SGCD: variants seen among roughly 807,000 people sequenced by gnomAD.
SGCD encodes the protein sarcoglycan delta, also known as delta-sarcoglycan.
SGCD carries 18 observed loss-of-function variants against 36.6 expected under a neutral mutation model. The ratio of observed to expected loss-of-function variants is 0.49; its 90% confidence interval spans 0.34 to 0.73. SGCD has a LOEUF of 0.73. Ranked by LOEUF, SGCD falls within the 30% of genes least tolerant of loss-of-function variation. SGCD has a pLI of 0.01. For missense variants in SGCD, 387 were observed against 346.7 expected (o/e 1.12, Z -0.92); for synonymous variants, 133 against 130.6 (o/e 1.02, Z -0.12).
At chr5:156,616,123 A>G (rs1413356645) in intron 6 of SGCD, among the ~76,000 whole-genome samples, 2 of 152,036 alleles carry the variant, frequency 1.3e-5, no homozygotes, top group Non-Finnish European at 2.9e-5. Context: ...CTTTCTTTTA[A>G]TCATGTCTCA....
chr5:156,649,617 A>C (rs1427491778), intron 7 of SGCD, among the ~76,000 whole-genome samples: 1 of 151,878 alleles, frequency 6.6e-6, no homozygotes, highest in East Asian at 1.9e-4. Flanking sequence ...AAGGTCAAAA[A>C]ACCAAACACC....
At chr5:156,025,166 C>G (rs936359909) in intron 1 of SGCD, among the ~76,000 whole-genome samples, 25 of 152,106 alleles carry the variant, frequency 1.6e-4, no homozygotes, top group African/African-American at 5.3e-4. Flanking sequence ...ATTTAGTGAT[C>G]CTCATCACTT....
At chr5:156,079,040 A>G (rs59761389) in intron 1 of SGCD, among the ~76,000 whole-genome samples, 184 of 151,830 alleles carry the variant, frequency 1.2e-3, no homozygotes, top group African/African-American at 4.2e-3. Context: ...AAAAAAAAGA[A>G]AAGTTTAATT....
intron 1 of SGCD, among the ~76,000 whole-genome samples, chr5:156,079,071 AT>A (rs773905532): frequency 3.7e-4 from 56 of 151,842 alleles, no homozygotes; most frequent in Admixed American, 5.9e-4. Context: ...TCTGCAGGCT[AT>A]ATAGGTAGCA....
the SGCD span, among the ~76,000 whole-genome samples, chr5:155,731,124 G>A: frequency 3.3e-5 from 5 of 152,094 alleles, no homozygotes; most frequent in Admixed American, 6.5e-5. Flanking sequence ...AGAGGGGCAC[G>A]AGAGGGAGGG....
intron 1 of SGCD, among the ~76,000 whole-genome samples, chr5:156,328,346 G>A (rs966202222): frequency 6.6e-6 from 1 of 152,180 alleles, no homozygotes. Flanking sequence ...GGTTTTTTCC[G>A]AACGGGGCTT....
intron 7 of SGCD, among the ~76,000 whole-genome samples, chr5:156,699,810 A>C (rs1754460541): frequency 2.0e-5 from 3 of 152,168 alleles, no homozygotes; most frequent in African/African-American, 7.2e-5. Flanking sequence ...TATAGAGGAG[A>C]GAGCTCTTGA....
intron 3 of SGCD, among the ~76,000 whole-genome samples, chr5:156,191,008 G>A (rs963400410): frequency 1.5e-4 from 23 of 152,008 alleles, no homozygotes; most frequent in African/African-American, 5.3e-4. Context: ...CTATGAATTA[G>A]GCAAACATGT....
chr5:156,060,051 C>G (rs1253897525), intron 1 of SGCD, among the ~76,000 whole-genome samples: 2 of 146,544 alleles, frequency 1.4e-5, no homozygotes, highest in African/African-American at 4.9e-5. Context: ...GGAAAAAATC[C>G]TGTATAAATT....
intron 6 of SGCD, among the ~76,000 whole-genome samples, chr5:156,605,282 T>C (rs1020493520): frequency 6.6e-6 from 1 of 152,098 alleles, no homozygotes; most frequent in Non-Finnish European, 1.5e-5. Context: ...TTCCCACCTA[T>C]GAGTGAGAAC....
chr5:156,622,830 G>A (rs1412452569), intron 6 of SGCD, among the ~76,000 whole-genome samples: 1 of 152,050 alleles, frequency 6.6e-6, no homozygotes, highest in African/African-American at 2.4e-5. Flanking sequence ...CCTATTACGT[G>A]AGTGTCTCTG....
chr5:156,360,966 A>G (rs1039270437), intron 3 of SGCD, among the ~76,000 whole-genome samples: 1 of 152,118 alleles, frequency 6.6e-6, no homozygotes, highest in African/African-American at 2.4e-5. Flanking sequence ...CAACTGCCCC[A>G]CATGATTGAG....
intron 1 of SGCD, among the ~76,000 whole-genome samples, chr5:156,083,302 T>G (rs1394854121): frequency 2.6e-5 from 4 of 151,956 alleles, no homozygotes; most frequent in Non-Finnish European, 4.4e-5. Flanking sequence ...TTTCCTTTTT[T>G]TTTTTCTTTT....
chr5:155,995,593 G>A (rs778021664), intron 1 of SGCD, among the ~76,000 whole-genome samples: 1 of 152,096 alleles, frequency 6.6e-6, no homozygotes, highest in Non-Finnish European at 1.5e-5. Context: ...TGCTTTAGTC[G>A]TAATTTCCCA....
chr5:156,111,015 G>C (rs1006690514), intron 1 of SGCD, among the ~76,000 whole-genome samples: 1 of 152,046 alleles, frequency 6.6e-6, no homozygotes, highest in Non-Finnish European at 1.5e-5. Context: ...TAGCAAATTG[G>C]ATCTATTTAC....
chr5:156,183,639 C>T (rs142829412), intron 3 of SGCD, among the ~76,000 whole-genome samples: 16 of 152,226 alleles, frequency 1.1e-4, no homozygotes, highest in African/African-American at 3.9e-4. Flanking sequence ...AACTCCTGGC[C>T]TCAAGTGATC....
Position 156,312,521 on chromosome 5 carries a change from C to A in SGCD, c.-43-17013C>A, listed in dbSNP as rs182484629. On this transcript the variant is annotated intron_variant, in intron 3 of 9. Transcript: ENST00000517913. Reference sequence around the variant, plus strand: ...CATATAAAATATTAAATCATGACACCACTCTGCTTCAATTGCATATTCATT... The same window carrying A: ...CATATAAAATATTAAATCATGACACAACTCTGCTTCAATTGCATATTCATT... Among the ~76,000 whole-genome samples, 36 of 152,204 alleles carry A rather than the reference C, an allele frequency of 2.4e-4. 1 individual carries two copies. The highest frequency in any genetic ancestry group is 2.2e-3 in the Admixed American group (34 of 15,296).
At chr5:156,045,374 A>T (rs1759738860) in intron 1 of SGCD, among the ~76,000 whole-genome samples, 1 of 152,208 alleles carries the variant, frequency 6.6e-6, no homozygotes, top group Non-Finnish European at 1.5e-5. Flanking sequence ...TCTATAATCT[A>T]CACTTTTCCG....
intron 4 of SGCD, among the ~76,000 whole-genome samples, chr5:156,567,517 C>A (rs563381247): frequency 6.6e-6 from 1 of 152,120 alleles, no homozygotes; most frequent in East Asian, 1.9e-4. Context: ...GAGCCATTGT[C>A]CAGTTCATGT....
Sources: allele counts gnomAD v4.1 joint callset (sites outside exome capture counted in the v4.1 genomes callset), GRCh38; gene constraint gnomAD v4.1.1; transcripts MANE v1.5; gene names NCBI Gene and HGNC (gene_info 2026-07-23, HGNC 2026-07-21).